Variants in STAG2 observed in about 807,000 individuals in gnomAD.
STAG2 encodes the protein cohesin subunit SA-2.
In STAG2, 14 loss-of-function variants were observed where a neutral mutation model predicts 108.1. The ratio of observed to expected loss-of-function variants is 0.13; its 90% CI spans 0.09 to 0.20. The LOEUF (loss-of-function observed/expected upper bound fraction) is 0.20, where lower values mean the gene tolerates loss of function less well. Ranked by LOEUF, STAG2 falls within the 10% of genes least tolerant of loss-of-function variation. The pLI is 1.00. For synonymous variants in STAG2, 307 were observed against 302.7 expected (o/e 1.01, Z -0.15); for missense variants, 440 against 940.9 (o/e 0.47, Z 6.96).
chrX:123,997,074 ACTTTCTATTCTATTTCATTGAT>A (rs2147804795), intron 1 of STAG2, among the ~76,000 whole-genome samples: 1 of 111,648 alleles, frequency 9.0e-6, no homozygotes, highest in South Asian at 3.7e-4. Flanking sequence ...CCATTTCAGG[ACTTTCTATTCTATTTCATTGAT>A]CTGTCTTGAT....
At chrX:124,009,443 G>GATAGATAGATAGATAGA (rs2056441641) in intron 1 of STAG2, among the ~76,000 whole-genome samples, 7 of 63,605 alleles carry the variant, frequency 1.1e-4, no homozygotes, top group African/African-American at 1.8e-4. Context: ...AGGTAGGTAG[G>GATAGATAGATAGATAGA]TAGATAGATA....
intron 1 of STAG2, among the ~76,000 whole-genome samples, chrX:123,976,838 A>T (rs1259791309): frequency 1.8e-5 from 2 of 112,070 alleles, no homozygotes; most frequent in Non-Finnish European, 3.8e-5. Flanking sequence ...ATTCTGCCTA[A>T]TTCCAGAACA....
intron 1 of STAG2, among the ~76,000 whole-genome samples, chrX:124,001,634 C>G (rs1437358809): frequency 2.7e-5 from 3 of 111,323 alleles, no homozygotes; most frequent in Non-Finnish European, 5.7e-5. Context: ...CTTATATACA[C>G]AAATACTTAC....
Position 124,083,422 on chromosome X carries a change from G to T in STAG2, c.2926G>T (p.Asp976Tyr). The change falls in exon 29 of 35, where the codon GAT becomes TAT. Residue 976 changes from aspartate to tyrosine, a missense_variant and splice_region_variant. Asp to Tyr is a radical substitution (Grantham distance 160). Coordinates refer to ENST00000371145, the MANE Select transcript of STAG2 (RefSeq NM_001042750.2). ...TREAIAMLHK[D>Y]GIEFAFKEPN... Reference sequence around the variant, plus strand: ...ATTATTTTTTGTTTTCCTTTGCAGAGATGGCATAGAATTTGCTTTTAAAGA... The same window carrying T: ...ATTATTTTTTGTTTTCCTTTGCAGATATGGCATAGAATTTGCTTTTAAAGA... 8.6e-7 allele frequency: 1 copy of T among 1,166,121 alleles called. No individual in the cohort carries two copies. Among genetic ancestry groups the T allele is most frequent in the South Asian group, 2.0e-5 (1 of 50,275 alleles).
At chrX:124,090,553 C>T (rs1603186524) in intron 30 of STAG2, 22 bp from the exon 31 acceptor site, 5 of 1,183,885 alleles carry the variant, frequency 4.2e-6, no homozygotes, top group South Asian at 1.8e-5. Context: ...GACTAAACCT[C>T]GTCGTTAATT....
chrX:124,020,302 G>A (rs2056881828), intron 1 of STAG2, among the ~76,000 whole-genome samples: 1 of 111,953 alleles, frequency 8.9e-6, no homozygotes, highest in African/African-American at 3.2e-5. Flanking sequence ...AAGGAAAGCA[G>A]CAACTTTGGT....
intron 1 of STAG2, among the ~76,000 whole-genome samples, chrX:123,992,344 A>AT (rs1236427777): frequency 9.0e-6 from 1 of 111,378 alleles, no homozygotes; most frequent in Non-Finnish European, 1.9e-5. Flanking sequence ...AATGTGTATT[A>AT]TTTTTATCAT....
intron 1 of STAG2, among the ~76,000 whole-genome samples, chrX:123,974,407 A>G (rs1406587529): frequency 1.9e-5 from 2 of 106,409 alleles, no homozygotes; most frequent in African/African-American, 6.9e-5. Flanking sequence ...TAATTTTTGT[A>G]TAGAGAAAGG....
At chrX:124,031,178 A>G (rs2057320131) in intron 5 of STAG2, 53 bp downstream of exon 5, 1 of 1,093,961 alleles carries the variant, frequency 9.1e-7, no homozygotes, top group South Asian at 2.4e-5. Context: ...AACTTTAATG[A>G]GTTATATAGA....
At chrX:124,020,155 A>G (rs751854672) in intron 1 of STAG2, among the ~76,000 whole-genome samples, 2 of 112,615 alleles carry the variant, frequency 1.8e-5, no homozygotes, top group Non-Finnish European at 3.8e-5. Context: ...AGAAGAATCC[A>G]GTATATCGCA....
intron 13 of STAG2, among the ~76,000 whole-genome samples, chrX:124,052,525 T>A (rs1303154940): frequency 8.9e-6 from 1 of 112,555 alleles, no homozygotes; most frequent in Non-Finnish European, 1.9e-5. Flanking sequence ...AGCTGAATAT[T>A]TCACTATATG....
chrX:124,008,211 CT>C (rs1188946582), intron 1 of STAG2, among the ~76,000 whole-genome samples: 1 of 105,211 alleles, frequency 9.5e-6, no homozygotes, highest in African/African-American at 3.5e-5. Context: ...TATTAATTTT[CT>C]TTCTTTTTTT....
At chrX:124,043,072 A>G (rs1294782023) in intron 7 of STAG2, among the ~76,000 whole-genome samples, 1 of 110,206 alleles carries the variant, frequency 9.1e-6, no homozygotes, top group East Asian at 2.8e-4. Context: ...CTTTGGCATT[A>G]GATTTAATCA....
At chrX:123,999,882 G>A (rs959968439) in intron 1 of STAG2, among the ~76,000 whole-genome samples, 2 of 109,362 alleles carry the variant, frequency 1.8e-5, no homozygotes, top group Non-Finnish European at 3.8e-5. Flanking sequence ...CTGAAGTGTT[G>A]GGATTACAGC....
intron 27 of STAG2, among the ~76,000 whole-genome samples, chrX:124,079,437 C>T (rs1217725140): frequency 9.0e-6 from 1 of 111,243 alleles, no homozygotes; most frequent in Non-Finnish European, 1.9e-5. Context: ...CCGTACCCAG[C>T]CAGGAATGTT....
intron 1 of STAG2, among the ~76,000 whole-genome samples, chrX:123,978,030 A>G (rs1432796756): frequency 9.3e-6 from 1 of 107,293 alleles, no homozygotes; most frequent in Non-Finnish European, 1.9e-5. Context: ...TTTTGCAGAG[A>G]TGGGGTCTTA....
intron 1 of STAG2, among the ~76,000 whole-genome samples, chrX:123,988,814 G>A (rs1032546108): frequency 9.0e-6 from 1 of 111,113 alleles, no homozygotes; most frequent in Non-Finnish European, 1.9e-5. Context: ...ATTTGCCTGG[G>A]TAAATGGTAC....
chrX:123,993,430 AT>A (rs376115084), intron 1 of STAG2, among the ~76,000 whole-genome samples: 1 of 108,729 alleles, frequency 9.2e-6, no homozygotes, highest in African/African-American at 3.3e-5. Context: ...GGAAAGGTAC[AT>A]TTTTTTTTTC....
At chrX:124,052,471 T>C (rs1176912957) in intron 13 of STAG2, among the ~76,000 whole-genome samples, 1 of 112,634 alleles carries the variant, frequency 8.9e-6, no homozygotes, top group African/African-American at 3.2e-5. Context: ...TTGGCATAAT[T>C]TCTTCAAGTT....
Sources: allele counts gnomAD v4.1 joint callset (sites outside exome capture counted in the v4.1 genomes callset), GRCh38; gene constraint gnomAD v4.1.1; transcripts MANE v1.5; gene names NCBI Gene and HGNC (gene_info 2026-07-23, HGNC 2026-07-21).